The following CCDC3 variants were observed in gnomAD, a reference collection of about 807,000 sequenced individuals.
CCDC3 encodes the protein coiled-coil domain containing 3.
In CCDC3, 24 loss-of-function variants were observed where a neutral mutation model predicts 21.4. The ratio of observed to expected loss-of-function variants is 1.12; its 90% CI spans 0.81 to 1.58. The LOEUF is 1.58. Among genes scored for constraint, CCDC3 ranks in the 40% most tolerant of loss-of-function variants. CCDC3 has a pLI of 0.00. For synonymous variants in CCDC3, 186 were observed against 166.0 expected (o/e 1.12, Z -0.93); for missense variants, 425 against 360.9 (o/e 1.18, Z -1.44).
At chr10:13,001,069 G>A (rs1835841501) in intron 1 of CCDC3, 128 bp downstream of exon 1, 2 of 1,207,146 alleles carry the variant, frequency 1.7e-6, no homozygotes, top group Admixed American at 2.8e-5. Flanking sequence ...AGGGGTAGGC[G>A]CCCCAGGGGC....
intron 2 of CCDC3, among the ~76,000 whole-genome samples, chr10:12,900,700 A>AC (rs1834079854): frequency 6.6e-6 from 1 of 150,494 alleles, no homozygotes; most frequent in Non-Finnish European, 1.5e-5. Flanking sequence ...CAAAAAAAAA[A>AC]AAAAAAAAAC....
chr10:12,968,998 CTATCAA>C (rs1835301414), intron 2 of CCDC3, among the ~76,000 whole-genome samples: 1 of 151,984 alleles, frequency 6.6e-6, no homozygotes, highest in Non-Finnish European at 1.5e-5. Flanking sequence ...ACATCCTTAC[CTATCAA>C]TAATTATCTT....
At chr10:12,937,336 C>A (rs1444874362) in intron 2 of CCDC3, among the ~76,000 whole-genome samples, 1 of 152,174 alleles carries the variant, frequency 6.6e-6, no homozygotes, top group Admixed American at 6.5e-5. Context: ...TCACTCATTT[C>A]CTACGTAGAG....
intron 2 of CCDC3, among the ~76,000 whole-genome samples, chr10:12,972,955 G>A (rs556666442): frequency 8.5e-5 from 13 of 152,334 alleles, no homozygotes; most frequent in Admixed American, 5.9e-4. Flanking sequence ...TCCCATGGCT[G>A]CAGCTCGTGA....
intron 4 of CCDC3, among the ~76,000 whole-genome samples, chr10:13,060,654 A>T (rs1050554718): frequency 6.6e-5 from 10 of 152,168 alleles, no homozygotes; most frequent in African/African-American, 2.4e-4. Context: ...ACAGATGCAC[A>T]TCACCAAACC....
intron 4 of CCDC3, among the ~76,000 whole-genome samples, chr10:13,050,394 T>TG (rs1836588810): frequency 6.6e-6 from 1 of 151,766 alleles, no homozygotes; most frequent in Non-Finnish European, 1.5e-5. Flanking sequence ...GCTGAGGCCA[T>TG]GGGCCAGGGC....
At chr10:13,085,387 T>C (rs1315518395) in intron 3 of CCDC3, among the ~76,000 whole-genome samples, 13 of 152,212 alleles carry the variant, frequency 8.5e-5, no homozygotes, top group African/African-American at 1.4e-4. Flanking sequence ...TTTCTTCTGC[T>C]AACAACAATT....
intron 1 of CCDC3, 121 bp downstream of exon 1, chr10:13,001,076 G>T: frequency 1.5e-6 from 2 of 1,294,966 alleles, no homozygotes; most frequent in Non-Finnish European, 2.1e-6. Context: ...GGCGCCCCAG[G>T]GGCATTCTCA....
chr10:12,916,261 G>A (rs982486773), intron 2 of CCDC3, among the ~76,000 whole-genome samples: 4 of 151,968 alleles, frequency 2.6e-5, no homozygotes, highest in Non-Finnish European at 4.4e-5. Flanking sequence ...GTGAAACCCC[G>A]TCTCTACTAC....
chr10:13,004,559 A>C (rs1835903798), upstream of CCDC3, among the ~76,000 whole-genome samples: 3 of 131,652 alleles, frequency 2.3e-5, no homozygotes, highest in South Asian at 3.0e-4. Context: ...CAAATCTCTG[A>C]CCCCCACCCC....
At chr10:13,025,901 C>A (rs1198036290) in intron 5 of CCDC3, among the ~76,000 whole-genome samples, 1 of 152,130 alleles carries the variant, frequency 6.6e-6, no homozygotes, top group Non-Finnish European at 1.5e-5. Context: ...AAAAACTCAC[C>A]CGGGCATGGT....
chr10:13,019,667 G>A (rs1026277603), intron 5 of CCDC3, among the ~76,000 whole-genome samples: 55 of 152,120 alleles, frequency 3.6e-4, no homozygotes, highest in African/African-American at 1.3e-3. Context: ...TCATGATAAC[G>A]TTTAAAAATA....
chr10:13,071,415 CA>C (rs1203569703), intron 4 of CCDC3, among the ~76,000 whole-genome samples: 7 of 152,186 alleles, frequency 4.6e-5, no homozygotes, highest in Non-Finnish European at 8.8e-5. Context: ...TTAAAAGACA[CA>C]GCACAGGTGA....
At chr10:13,019,622 T>C (rs1267253017) in intron 5 of CCDC3, among the ~76,000 whole-genome samples, 6 of 152,348 alleles carry the variant, frequency 3.9e-5, no homozygotes, top group Admixed American at 3.3e-4. Context: ...CATTTAAAAA[T>C]ACATTATAAC....
intron 5 of CCDC3, among the ~76,000 whole-genome samples, chr10:13,046,483 A>C (rs1326109302): frequency 6.6e-6 from 1 of 151,954 alleles, no homozygotes; most frequent in Non-Finnish European, 1.5e-5. Context: ...GAGGTGGATC[A>C]CCTGATGTCA....
chr10:13,020,765 G>A (rs1216249144), intron 5 of CCDC3, among the ~76,000 whole-genome samples: 1 of 152,158 alleles, frequency 6.6e-6, no homozygotes, highest in Non-Finnish European at 1.5e-5. Context: ...CAGTGATAAC[G>A]TAGGGAGGAG....
chr10:12,912,118 T>G lies in CCDC3; in HGVS notation c.550-13439A>C, dbSNP rs537314565. ...TTCAGTGAACATGGGAGTGTAGATA[T>G]CTCTTCGACATACTGACTTTGGATG... On this transcript the variant is annotated intron_variant, in intron 2 of 2. Transcript: ENST00000378825. Among the ~76,000 whole-genome samples the G allele has an allele frequency of 5.5e-4, 83 of 152,210 alleles. 1 individual carries two copies. Among genetic ancestry groups the G allele is most frequent in the Non-Finnish European group, 9.6e-4 (65 of 68,032 alleles).
At chr10:13,002,733 T>C (rs569595719), upstream of CCDC3, among the ~76,000 whole-genome samples, 1 of 152,326 alleles carries the variant, frequency 6.6e-6, no homozygotes, top group African/African-American at 2.4e-5. Flanking sequence ...AGGGCTGCCA[T>C]AATAAAATAC....
chr10:12,940,625 C>T (rs528246553), intron 2 of CCDC3, among the ~76,000 whole-genome samples: 1 of 152,280 alleles, frequency 6.6e-6, no homozygotes, highest in Non-Finnish European at 1.5e-5. Flanking sequence ...ACAGAATAAT[C>T]GTATTTACTT....
Sources: allele counts gnomAD v4.1 joint callset (sites outside exome capture counted in the v4.1 genomes callset), GRCh38; gene constraint gnomAD v4.1.1; transcripts MANE v1.5; gene names NCBI Gene and HGNC (gene_info 2026-07-23, HGNC 2026-07-21).